CACNA1F: variants seen among roughly 807,000 people sequenced by gnomAD.
CACNA1F encodes the protein voltage-dependent L-type calcium channel subunit alpha-1F.
CACNA1F carries 59 observed loss-of-function variants against 143.8 expected under a neutral mutation model. That is an observed-to-expected ratio of 0.41 (90% confidence interval 0.33 to 0.51). CACNA1F has a LOEUF of 0.51. Among genes scored for constraint, CACNA1F ranks in the 20% least tolerant of loss-of-function variants. The pLI, the probability that CACNA1F is intolerant of heterozygous loss-of-function variation, is 0.22. For missense variants in CACNA1F, 1,411 were observed against 1,647.5 expected (o/e 0.86, Z 2.48); for synonymous variants, 643 against 649.1 (o/e 0.99, Z 0.14).
In CACNA1F at chrX:49,216,232, A is replaced by G. The variant is rs1398338679; in HGVS notation, c.3236+150T>C. On this transcript the variant is annotated intron_variant, in intron 27 of 47. Transcript: ENST00000323022. ...CTCCACCTCTACAGTCCTCTGATAC[A>G]CCCACCACTCTCCAGAAAACCCTAT... The G allele has an allele frequency of 6.8e-6, 4 of 589,347 alleles. No individual in the cohort carries two copies. The African/African-American group carries it at 9.1e-5, about 13-fold the overall frequency. 48.6% of individuals were successfully genotyped at this position (589,347 alleles called of 1,213,427 possible).
In CACNA1F at chrX:49,225,957, T is replaced by C. The variant is rs1557109728; in HGVS notation, c.1603A>G (p.Ile535Val). The change falls in exon 13 of 48, where the codon ATC becomes GTC. Residue 535 changes from isoleucine (I) to valine (V), a missense_variant. Transcript: ENST00000323022. ...LLLVFLNTLT[I>V]ASEHHGQPVW... is the part of the protein sequence containing the mutation. ...GGCTGCCCGTGGTGCTCAGAGGCGA[T>C]GGTCAACGTGTTGAGGAAGACGAGC... 3 of 1,170,089 alleles carry C rather than the reference T, an allele frequency of 2.6e-6. No individual in the cohort carries two copies. The highest frequency in any genetic ancestry group is 2.3e-6 in the Non-Finnish European group (2 of 874,196).
In CACNA1F at chrX:49,219,302, C is replaced by T. The variant is rs368052469; in HGVS notation, c.2673+19G>A. On this transcript the variant is annotated intron_variant, in intron 21 of 47. Coordinates refer to ENST00000323022, the MANE Select transcript of CACNA1F (RefSeq NM_001256789.3). Reference sequence around the variant, plus strand: ...CTGGGAGTGTCCCCTCAGCTCCTAGCTCCCAGCCAAAGGCTCACATGGTTG... The same window carrying T: ...CTGGGAGTGTCCCCTCAGCTCCTAGTTCCCAGCCAAAGGCTCACATGGTTG... 1.1e-5 allele frequency: 13 copies of T among 1,203,403 alleles called. No homozygotes were observed. In the African/African-American group the frequency reaches 2.3e-4, roughly 21 times the overall value.
At chrX:49,226,103 C>T (rs1203766478) in intron 12 of CACNA1F, 34 bp from the exon 13 acceptor site, 18 of 1,182,794 alleles carry the variant, frequency 1.5e-5, no homozygotes, top group Non-Finnish European at 2.1e-5. Context: ...CTGAGATCAC[C>T]TACCTAAGCC....
rs782513846 is a variant in CACNA1F, at chrX:49,229,219, C to T, written c.818-772G>A. On this transcript the variant is annotated intron_variant, in intron 6 of 47. Coordinates refer to ENST00000323022, the MANE Select transcript of CACNA1F (RefSeq NM_001256789.3). ...CTGGAGCGCAGTGAGTGGTGCGATCCGATCTCAGCTCACTGCAACCTCCAT... is the reference window on the plus strand; with the variant it reads ...CTGGAGCGCAGTGAGTGGTGCGATCTGATCTCAGCTCACTGCAACCTCCAT... 1.8e-3 allele frequency among the ~76,000 whole-genome samples: 195 copies of T among 110,533 alleles called. 1 individual carries two copies. The highest frequency in any genetic ancestry group is 5.9e-3 in the African/African-American group (180 of 30,320).
rs1172099367 is a variant in CACNA1F at position 49,230,931 on chromosome X, A to G, written c.440T>C (p.Val147Ala). 1 of 1,194,616 alleles carries G rather than the reference A, an allele frequency of 8.4e-7. No homozygotes were observed. Among genetic ancestry groups the G allele is most frequent in the Non-Finnish European group, 1.1e-6 (1 of 885,255 alleles). ...GGGGTGGAGCACCAGCCCGTAGGCCACGATCTTGAGCACCGTCTCCACAGT... is the reference window on the plus strand; with the variant it reads ...GGGGTGGAGCACCAGCCCGTAGGCCGCGATCTTGAGCACCGTCTCCACAGT... ...IFTVETVLKI[V>A]AYGLVLHPSA... The change falls in exon 4 of 48, where the codon GTG becomes GCG. Residue 147 changes from valine (V) to alanine (A), a missense_variant. Val to Ala is a moderately conservative substitution (Grantham distance 64). Around this residue, in one of 3 missense-constraint regions of CACNA1F, gnomAD observed 950 missense variants for 1,128.1 expected, o/e 0.84. Coordinates refer to ENST00000323022, the MANE Select transcript of CACNA1F (RefSeq NM_001256789.3).
intron 41 of CACNA1F, 21 bp downstream of exon 41, chrX:49,209,608 A>G (rs782750831): frequency 6.6e-6 from 8 of 1,208,899 alleles, no homozygotes; most frequent in Non-Finnish European, 8.9e-6. Context: ...GCCCATCCAC[A>G]CTAGGCCCTG....
chrX:49,230,425 C>T, intron 5 of CACNA1F, 42 bp downstream of exon 5: 1 of 1,206,374 alleles, frequency 8.3e-7, no homozygotes, highest in Non-Finnish European at 1.1e-6. Flanking sequence ...CTCAGCCCCA[C>T]CCCCACCCTC....
Position 49,218,505 on chromosome X carries a change from G to A in CACNA1F, c.2878C>T (p.Leu960Phe). The change falls in exon 24 of 48, where the codon CTC becomes TTC. Residue 960 changes from leucine to phenylalanine, a missense_variant. By Grantham distance (22) the Leu-to-Phe change is conservative. Transcript: ENST00000323022. ...GCTCGGAGGGGCCGCAGTACTCGGA[G>A]TACTCGCAGAATCTTCACCACCGAG... ...AISVVKILRV[L>F]RVLRPLRAIN... 1 of 1,184,989 alleles carries A rather than the reference G, an allele frequency of 8.4e-7. No individual in the cohort carries two copies.
At chrX:49,213,953 G>T in intron 30 of CACNA1F, 51 bp from the exon 31 acceptor site, 2 of 954,632 alleles carry the variant, frequency 2.1e-6, no homozygotes, top group East Asian at 3.1e-5. Flanking sequence ...TCGCAAGCCA[G>T]GGTAGGGGGC....
intron 42 of CACNA1F, chrX:49,209,033 C>A: frequency 2.4e-6 from 1 of 418,182 alleles, no homozygotes; most frequent in Non-Finnish European, 4.1e-6. Context: ...CACTATTTTG[C>A]CAGGACTGGT....
At chrX:49,227,546 G>A (rs2065838230) in intron 8 of CACNA1F, among the ~76,000 whole-genome samples, 1 of 111,707 alleles carries the variant, frequency 9.0e-6, no homozygotes, top group Non-Finnish European at 1.9e-5. Context: ...GGCTGGTCTC[G>A]AACTCCTGAC....
chrX:49,206,863 G>C lies in CACNA1F; in HGVS notation c.5232-8C>G. On this transcript the variant is annotated splice_region_variant and splice_polypyrimidine_tract_variant and intron_variant, in intron 44 of 47. Coordinates refer to ENST00000323022, the MANE Select transcript of CACNA1F (RefSeq NM_001256789.3). ...TCATCTAGGTAGGAAAGCCTGTGTG[G>C]GTGGGAGGGCCAGGGGTGAACTTGG... The C allele has an allele frequency of 8.3e-7, 1 of 1,202,842 alleles. No individual in the cohort carries two copies. Among genetic ancestry groups the C allele is most frequent in the Non-Finnish European group, 1.1e-6 (1 of 889,622 alleles).
intron 42 of CACNA1F, 123 bp downstream of exon 42, chrX:49,209,139 T>G: frequency 2.4e-6 from 2 of 838,978 alleles, no homozygotes; most frequent in Admixed American, 4.9e-5. Flanking sequence ...AAATAAATAT[T>G]TTTCTATTGC....
intron 9 of CACNA1F, 97 bp from the exon 10 acceptor site, chrX:49,226,799 G>A: frequency 1.0e-6 from 1 of 987,836 alleles, no homozygotes; most frequent in Non-Finnish European, 1.4e-6. Flanking sequence ...TTATAGCTGA[G>A]GCTGGTCTTG....
chrX:49,217,442 G>A (rs960988813), intron 26 of CACNA1F, among the ~76,000 whole-genome samples: 10 of 112,220 alleles, frequency 8.9e-5, no homozygotes, highest in Non-Finnish European at 1.7e-4. Context: ...GATTTGAACC[G>A]TAATGTCTGA....
At chrX:49,206,980 A>G in intron 44 of CACNA1F, 25 bp downstream of exon 44, 1 of 1,128,388 alleles carries the variant, frequency 8.9e-7, no homozygotes. Context: ...TCATGGGTTC[A>G]TCCCATGTGG....
chrX:49,224,710 G>T, intron 14 of CACNA1F, 51 bp downstream of exon 14: 1 of 765,423 alleles, frequency 1.3e-6, no homozygotes, highest in Non-Finnish European at 2.0e-6. Context: ...TTGGGTGGGG[G>T]TGTTGAGGCT....
chrX:49,230,635 G>A (rs1557111125), intron 4 of CACNA1F, 26 bp from the exon 5 acceptor site: 2 of 1,156,386 alleles, frequency 1.7e-6, no homozygotes, highest in Admixed American at 5.2e-5. Context: ...CGGGCAGGGA[G>A]GCGGAGGTCA....
rs368210690 is a variant in CACNA1F at position 49,225,034 on chromosome X, G to A, written c.1652-48C>T. The A allele has an allele frequency of 4.2e-4, 370 of 879,334 alleles. 1 individual carries two copies. The African/African-American group carries it at 6.2e-3, about 15-fold the overall frequency. The allele number at this position is 879,334 out of a possible 1,213,427, so 72.5% of individuals were successfully genotyped here. On this transcript the variant is annotated intron_variant, in intron 13 of 47. Transcript: ENST00000323022. ...GATCGGGCTGGCCAGTTTCTGTGGT[G>A]ACATGTGGGGAGGTAACTAGGGACC...
Sources: gnomAD v4.1 joint callset for allele counts (sites outside exome capture counted in the v4.1 genomes callset) on GRCh38, gnomAD v4.1.1 for gene constraint, gnomAD v4.1.1 regional missense constraint, MANE v1.5 for transcripts, NCBI Gene and HGNC (gene_info 2026-07-23, HGNC 2026-07-21) for gene names.